CDH13: variants seen among roughly 807,000 people sequenced by gnomAD.
CDH13 encodes cadherin-13.
Under a neutral mutation model 63.8 loss-of-function variants are expected in CDH13, and 24 were observed. That is an observed-to-expected ratio of 0.38 (90% CI 0.27 to 0.53). CDH13 has a LOEUF of 0.53. CDH13 is among the 20% of genes least tolerant of loss of function. The pLI is 0.85. For missense variants in CDH13, 1,049 were observed against 903.1 expected (o/e 1.16, Z -2.07); for synonymous variants, 503 against 355.3 (o/e 1.42, Z -4.67).
intron 2 of CDH13, among the ~76,000 whole-genome samples, chr16:82,926,767 A>T (rs560960891): frequency 5.9e-5 from 9 of 152,302 alleles, no homozygotes; most frequent in African/African-American, 2.2e-4. Context: ...ACTTCAACCA[A>T]ACTGGGGTTT....
chr16:82,745,146 C>T (rs554851622), intron 1 of CDH13, among the ~76,000 whole-genome samples: 1 of 152,104 alleles, frequency 6.6e-6, no homozygotes, highest in African/African-American at 2.4e-5. Flanking sequence ...CTCTGGGAAA[C>T]AAAAGAATAC....
chr16:83,457,886 A>T (rs529927931), intron 6 of CDH13, among the ~76,000 whole-genome samples: 1 of 152,200 alleles, frequency 6.6e-6, no homozygotes, highest in South Asian at 2.1e-4. Flanking sequence ...TTGCATTTTC[A>T]AAAGCTCCCC....
chr16:83,739,767 T>A (rs1246764846), intron 10 of CDH13, among the ~76,000 whole-genome samples: 2 of 152,154 alleles, frequency 1.3e-5, no homozygotes, highest in Non-Finnish European at 2.9e-5. Flanking sequence ...AACCAATGCA[T>A]GTTAAAGAAG....
At chr16:83,493,356 A>T (rs1239649317) in intron 7 of CDH13, among the ~76,000 whole-genome samples, 3 of 152,248 alleles carry the variant, frequency 2.0e-5, no homozygotes, top group Non-Finnish European at 4.4e-5. Context: ...AGCCTACAAA[A>T]TTCAGCAATA....
chr16:82,634,111 C>T (rs1359885163), intron 1 of CDH13, among the ~76,000 whole-genome samples: 2 of 152,258 alleles, frequency 1.3e-5, no homozygotes, highest in African/African-American at 4.8e-5. Context: ...TAGCTGAACG[C>T]AGCCCGGGCT....
At chr16:83,015,046 G>A (rs867699934) in intron 2 of CDH13, among the ~76,000 whole-genome samples, 3 of 151,280 alleles carry the variant, frequency 2.0e-5, no homozygotes, top group Middle Eastern at 3.4e-3. Flanking sequence ...ATAAACTGAT[G>A]TAAAAAGTAT....
chr16:83,318,285 T>C (rs538754006), intron 5 of CDH13, among the ~76,000 whole-genome samples: 2 of 152,328 alleles, frequency 1.3e-5, no homozygotes, highest in South Asian at 2.1e-4. Flanking sequence ...GGCCCCTTTC[T>C]CTTTTCTTTA....
intron 5 of CDH13, among the ~76,000 whole-genome samples, chr16:83,254,648 GC>G (rs1291805571): frequency 1.3e-5 from 2 of 152,076 alleles, no homozygotes; most frequent in Non-Finnish European, 1.5e-5. Context: ...GCAAGCCACC[GC>G]AAATCCAGTA....
intron 6 of CDH13, among the ~76,000 whole-genome samples, chr16:83,428,134 AG>A (rs1358776571): frequency 1.3e-5 from 2 of 152,192 alleles, no homozygotes; most frequent in African/African-American, 4.8e-5. Context: ...GCATTTGAAT[AG>A]GGGGAAATGG....
intron 10 of CDH13, among the ~76,000 whole-genome samples, chr16:83,696,724 G>A (rs1796007618): frequency 6.6e-6 from 1 of 152,170 alleles, no homozygotes; most frequent in Admixed American, 6.5e-5. Flanking sequence ...CGCAGTTCTT[G>A]CAACTGCACT....
intron 5 of CDH13, among the ~76,000 whole-genome samples, chr16:83,238,447 C>A (rs1013144412): frequency 6.6e-6 from 1 of 152,164 alleles, no homozygotes; most frequent in Admixed American, 6.5e-5. Context: ...TACCTCCCAC[C>A]AGGTCACTCC....
chr16:83,786,758 T>G (rs1736894701), intron 13 of CDH13, among the ~76,000 whole-genome samples: 1 of 152,048 alleles, frequency 6.6e-6, no homozygotes, highest in South Asian at 2.1e-4. Flanking sequence ...CGGCTAATTT[T>G]TGTATTTTTA....
chr16:82,846,158 A>C (rs1172236088), intron 1 of CDH13, among the ~76,000 whole-genome samples: 4 of 152,172 alleles, frequency 2.6e-5, no homozygotes, highest in Admixed American at 2.6e-4. Context: ...GCATTGACCA[A>C]ACTTCTGCGT....
chr16:82,677,978 C>G (rs1914123679), intron 1 of CDH13, among the ~76,000 whole-genome samples: 1 of 152,154 alleles, frequency 6.6e-6, no homozygotes, highest in Non-Finnish European at 1.5e-5. Flanking sequence ...TCCAGAAAAT[C>G]TATAGTTGCA....
At chr16:83,503,650 C>A (rs151117388) in intron 7 of CDH13, among the ~76,000 whole-genome samples, 87 of 152,222 alleles carry the variant, frequency 5.7e-4, no homozygotes, top group African/African-American at 2.0e-3. Context: ...TGACCAGTGA[C>A]GATGAGCTTT....
At chr16:83,151,029 AT>A (rs1460041773) in intron 4 of CDH13, among the ~76,000 whole-genome samples, 1 of 152,146 alleles carries the variant, frequency 6.6e-6, no homozygotes, top group Non-Finnish European at 1.5e-5. Flanking sequence ...TGACAAGCAT[AT>A]AGTAGGTGTG....
At chr16:83,313,182 G>A (rs186306548) in intron 5 of CDH13, among the ~76,000 whole-genome samples, 45 of 152,290 alleles carry the variant, frequency 3.0e-4, no homozygotes, top group Admixed American at 2.4e-3. Context: ...GTAGAGCTGG[G>A]AACATTGAAT....
At chr16:83,046,162 C>G (rs765223734) in intron 3 of CDH13, among the ~76,000 whole-genome samples, 1 of 152,144 alleles carries the variant, frequency 6.6e-6, no homozygotes. Flanking sequence ...ATAGAAACCT[C>G]TTTTCCTCTG....
At position 83,448,369 on chromosome 16, in the gene CDH13, G is replaced by C. The variant is rs560560464; in HGVS notation, c.782-38108G>C. ...CAAGATACCAACTTCAGCTTGGAGG[G>C]AGAAACAAGATCAAAGGAAGAGGGT... On this transcript the variant is annotated intron_variant, in intron 6 of 13. Coordinates refer to ENST00000567109, the MANE Select transcript of CDH13 (RefSeq NM_001257.5). Among the ~76,000 whole-genome samples the C allele has an allele frequency of 4.3e-4, 66 of 152,230 alleles. No homozygotes were observed. The Middle Eastern group carries it at 0.014, about 31-fold the overall frequency.
Sources: gnomAD v4.1 joint callset for allele counts (sites outside exome capture counted in the v4.1 genomes callset) on GRCh38, gnomAD v4.1.1 for gene constraint, MANE v1.5 for transcripts, NCBI Gene and HGNC (gene_info 2026-07-23, HGNC 2026-07-21) for gene names.